NAV2: variants seen among roughly 807,000 people sequenced by gnomAD.
NAV2 encodes the protein helicase, APC down-regulated 1.
A neutral mutation model predicts 223.2 loss-of-function variants in NAV2; 54 were observed. The observed-to-expected ratio is 0.24, with a 90% confidence interval of 0.19 to 0.30. The LOEUF is 0.30. NAV2 is among the 10% of genes least tolerant of loss of function. The pLI, the probability that NAV2 is intolerant of heterozygous loss-of-function variation, is 1.00. For synonymous variants in NAV2, 1,279 were observed against 1,239.3 expected (o/e 1.03, Z -0.67); for missense variants, 2,806 against 3,147.5 (o/e 0.89, Z 2.60).
At chr11:19,538,907 A>C (rs994207815) in intron 1 of NAV2, among the ~76,000 whole-genome samples, 3 of 150,376 alleles carry the variant, frequency 2.0e-5, no homozygotes, top group Non-Finnish European at 4.4e-5. Flanking sequence ...ATATATATAT[A>C]TCTTTCCACT....
At chr11:20,098,417 G>A (rs966907984) in intron 31 of NAV2, among the ~76,000 whole-genome samples, 6 of 152,216 alleles carry the variant, frequency 3.9e-5, no homozygotes, top group African/African-American at 1.4e-4. Context: ...AATCCAGTCT[G>A]TCCCAAATGT....
intron 1 of NAV2, among the ~76,000 whole-genome samples, chr11:19,624,583 C>T (rs1359744750): frequency 1.3e-5 from 2 of 152,140 alleles, no homozygotes; most frequent in Admixed American, 6.5e-5. Flanking sequence ...CCTGGTGTGC[C>T]GTTTGCTGAG....
chr11:20,028,078 C>A (rs1361659438), intron 11 of NAV2, among the ~76,000 whole-genome samples: 2 of 152,174 alleles, frequency 1.3e-5, no homozygotes, highest in African/African-American at 2.4e-5. Flanking sequence ...AATATAGTTT[C>A]TCAGGGGTCC....
At chr11:19,783,196 G>A (rs1361527110) in intron 1 of NAV2, among the ~76,000 whole-genome samples, 1 of 152,148 alleles carries the variant, frequency 6.6e-6, no homozygotes, top group Non-Finnish European at 1.5e-5. Flanking sequence ...TATTTTTCTA[G>A]CATTGTTCCC....
At position 20,120,368 on chromosome 11, in the gene NAV2, TTTTTAATAAAAC is replaced by T. The variant is rs1193702850; in HGVS notation, c.*2117_*2128del. ...GTGAGTGTGTCTTGTTCTGTTTTTC[TTTTTAATAAAAC>T]TTTTAAACCATATATTTAGCCTGTG... On this transcript the variant is annotated 3_prime_UTR_variant, in exon 38 of 38. Transcript: ENST00000349880. The T allele has an allele frequency of 2.6e-5, 4 of 152,594 alleles. No homozygotes were observed. The highest frequency in any genetic ancestry group is 9.6e-5 in the African/African-American group (4 of 41,454). 9.5% of individuals were successfully genotyped at this position (152,594 alleles called of 1,614,324 possible). A position where few individuals can be genotyped will look rare whatever the true frequency, so the allele number is the denominator to read the frequency against.
At chr11:19,999,946 G>A (rs1224757856) in intron 11 of NAV2, among the ~76,000 whole-genome samples, 1 of 152,206 alleles carries the variant, frequency 6.6e-6, no homozygotes, top group East Asian at 1.9e-4. Flanking sequence ...AAATCGGCCA[G>A]GATATACATG....
chr11:19,777,363 C>T (rs1290154765), intron 1 of NAV2: 3 of 406,446 alleles, frequency 7.4e-6, no homozygotes, highest in Non-Finnish European at 1.5e-5. Flanking sequence ...AGACCCGGGA[C>T]TGGACGGCCA....
intron 1 of NAV2, among the ~76,000 whole-genome samples, chr11:19,607,306 A>G (rs1194966666): frequency 6.6e-6 from 1 of 152,190 alleles, no homozygotes; most frequent in Non-Finnish European, 1.5e-5. Flanking sequence ...GGCCCAGAGG[A>G]AAGCCAGGAT....
chr11:20,071,521 C>A (rs1202911058), intron 22 of NAV2, among the ~76,000 whole-genome samples: 1 of 152,134 alleles, frequency 6.6e-6, no homozygotes, highest in Non-Finnish European at 1.5e-5. Context: ...AGTTCTAGAT[C>A]CTTGAGGAAT....
chr11:19,716,822 T>C (rs1364791), intron 1 of NAV2, among the ~76,000 whole-genome samples: 9,357 of 152,304 alleles, frequency 0.061, 900 homozygotes, highest in African/African-American at 0.21. Flanking sequence ...TATATCACTT[T>C]CTATGTGCCA....
At chr11:19,929,981 C>T (rs186491280) in intron 6 of NAV2, among the ~76,000 whole-genome samples, 2 of 152,252 alleles carry the variant, frequency 1.3e-5, no homozygotes. Context: ...CTCATAGCAC[C>T]TCATAGAGCC....
chr11:19,489,159 C>T (rs1422064482), intron 1 of NAV2, among the ~76,000 whole-genome samples: 2 of 152,210 alleles, frequency 1.3e-5, no homozygotes, highest in African/African-American at 2.4e-5. Context: ...GAGACTGTCT[C>T]AGCTGAGGGG....
intron 22 of NAV2, 95 bp downstream of exon 22, chr11:20,068,493 T>C (rs1489236068): frequency 1.1e-6 from 1 of 891,282 alleles, no homozygotes; most frequent in Admixed American, 1.8e-5. Flanking sequence ...CAAATAGAAG[T>C]AGCACATTAT....
At chr11:19,907,527 G>T (rs1023278758) in intron 6 of NAV2, among the ~76,000 whole-genome samples, 17 of 23,848 alleles carry the variant, frequency 7.1e-4, no homozygotes, top group African/African-American at 1.7e-3. Context: ...CCACTCATAG[G>T]GGGAGGGGGA....
chr11:20,118,296 C>CCAATG lies in NAV2; in HGVS notation c.*39_*40insAATGC. 1.2e-6 allele frequency: 2 copies of CCAATG among 1,607,912 alleles called. No individual in the cohort carries two copies. Among genetic ancestry groups the CCAATG allele is most frequent in the South Asian group, 2.2e-5 (2 of 90,694 alleles). ...GCCCAGCGCCCTCCTCTTCTCCTCA[C>CCAATG]CGCATTCCACCTGCATCCCCCACAT... On this transcript the variant is annotated 3_prime_UTR_variant, in exon 38 of 38. Transcript: ENST00000349880.
intron 1 of NAV2, among the ~76,000 whole-genome samples, chr11:19,394,857 T>C (rs1278422563): frequency 6.6e-6 from 1 of 152,166 alleles, no homozygotes; most frequent in Non-Finnish European, 1.5e-5. Context: ...GCAGCGCATG[T>C]TCAGGAAGGA....
chr11:19,624,404 C>A (rs1209029460), intron 1 of NAV2, among the ~76,000 whole-genome samples: 2 of 151,968 alleles, frequency 1.3e-5, no homozygotes, highest in African/African-American at 2.4e-5. Flanking sequence ...TCGAGCTGCT[C>A]AGTTCGAGCT....
upstream of NAV2, among the ~76,000 whole-genome samples, chr11:19,350,522 GT>G (rs1853250593): frequency 6.6e-6 from 1 of 152,240 alleles, no homozygotes; most frequent in Non-Finnish European, 1.5e-5. Context: ...GGATGTGGAT[GT>G]TAGCAGCTTG....
chr11:19,705,398 T>G (rs1013298828), intron 1 of NAV2, among the ~76,000 whole-genome samples: 2 of 152,200 alleles, frequency 1.3e-5, no homozygotes, highest in African/African-American at 4.8e-5. Context: ...TTTATTTACA[T>G]TTTTCCTGGA....
Sources: gnomAD v4.1 joint callset for allele counts (sites outside exome capture counted in the v4.1 genomes callset) on GRCh38, gnomAD v4.1.1 for gene constraint, MANE v1.5 for transcripts, NCBI Gene and HGNC (gene_info 2026-07-23, HGNC 2026-07-21) for gene names.